Variants in NTRK3 observed in about 807,000 individuals in gnomAD.
The protein encoded by NTRK3 is neurotrophic receptor tyrosine kinase 3.
In NTRK3, 24 loss-of-function variants were observed where a neutral mutation model predicts 91.7. The observed-to-expected ratio is 0.26, with a 90% CI of 0.19 to 0.37. NTRK3 has a LOEUF of 0.37. Among genes scored for constraint, NTRK3 ranks in the 10% least tolerant of loss-of-function variants. NTRK3 has a pLI of 1.00. For synonymous variants in NTRK3, 483 were observed against 404.0 expected (o/e 1.20, Z -2.34); for missense variants, 880 against 1,068.9 (o/e 0.82, Z 2.46).
intron 14 of NTRK3, among the ~76,000 whole-genome samples, chr15:87,994,101 T>C (rs886697944): frequency 2.0e-5 from 3 of 151,304 alleles, no homozygotes; most frequent in East Asian, 3.9e-4. Flanking sequence ...AGTGAGGGAG[T>C]GGTCATAAGA....
At chr15:88,210,307 G>A (rs543040349) in intron 3 of NTRK3, among the ~76,000 whole-genome samples, 1 of 152,286 alleles carries the variant, frequency 6.6e-6, no homozygotes, top group Non-Finnish European at 1.5e-5. Flanking sequence ...AATTCGAAGA[G>A]CAGCCCGATT....
intron 14 of NTRK3, among the ~76,000 whole-genome samples, chr15:87,980,492 T>G (rs1165873990): frequency 6.6e-6 from 1 of 152,188 alleles, no homozygotes; most frequent in Non-Finnish European, 1.5e-5. Context: ...TGTTTCCATG[T>G]GTGTTTGCAT....
At chr15:88,041,007 A>T (rs1317620301) in intron 13 of NTRK3, among the ~76,000 whole-genome samples, 1 of 152,206 alleles carries the variant, frequency 6.6e-6, no homozygotes, top group Non-Finnish European at 1.5e-5. Flanking sequence ...TTGACTCCAA[A>T]GTTCTGCGTC....
In NTRK3 at chr15:88,160,127, G is replaced by A. The variant is rs745438106; in HGVS notation, c.396-12724C>T. Among the ~76,000 whole-genome samples, 31 of 152,260 alleles carry A rather than the reference G, an allele frequency of 2.0e-4. No homozygotes were observed. In the East Asian group the frequency reaches 3.9e-3, roughly 19 times the overall value. On this transcript the variant is annotated intron_variant, in intron 5 of 18. Transcript: ENST00000394480. ...GAGAGCAGAGGAGAAAACAGGACTC[G>A]GACGAGAGCATCCAAACCAATGAGT...
At chr15:88,173,403 G>A (rs1263817193) in intron 5 of NTRK3, among the ~76,000 whole-genome samples, 1 of 152,120 alleles carries the variant, frequency 6.6e-6, no homozygotes, top group Non-Finnish European at 1.5e-5. Context: ...TCCAGGGCTG[G>A]TGTAGCCCCA....
chr15:87,904,212 G>A (rs548278461), intron 17 of NTRK3, among the ~76,000 whole-genome samples: 17 of 151,036 alleles, frequency 1.1e-4, no homozygotes, highest in Non-Finnish European at 1.5e-4. Context: ...GTGCAGTGGC[G>A]CAATCTCAGC....
intron 13 of NTRK3, among the ~76,000 whole-genome samples, chr15:88,046,486 T>C (rs963199622): frequency 6.6e-6 from 1 of 152,088 alleles, no homozygotes; most frequent in African/African-American, 2.4e-5. Flanking sequence ...GCTCAGGACA[T>C]GAGGCAGCAC....
intron 8 of NTRK3, 149 bp downstream of exon 8, chr15:88,136,318 G>T: frequency 9.1e-7 from 1 of 1,100,986 alleles, no homozygotes; most frequent in Non-Finnish European, 1.3e-6. Context: ...TGTATAGAGC[G>T]AAATGGCTAG....
rs1555571958 is a variant in NTRK3, at chr15:88,243,567, C to CACACACACACAT, written c.248+12338_248+12339insATGTGTGTGTGT. ...ACACACACACACACACACACACACACACACACACACTGAGCAAAAGGTATT... is the reference window on the plus strand; with the variant it reads ...ACACACACACACACACACACACACACACACACACACATACACACACACTGAGCAAAAGGTATT... On this transcript the variant is annotated intron_variant, in intron 3 of 18. Coordinates refer to ENST00000394480, the Ensembl canonical transcript of NTRK3. This position sits in a 1 kb window ranked among gnomAD's most constrained non-coding sequence, Gnocchi z 4.8. 2.1e-4 allele frequency among the ~76,000 whole-genome samples: 31 copies of CACACACACACAT among 150,550 alleles called. No individual in the cohort carries two copies. The highest frequency in any genetic ancestry group is 7.1e-4 in the African/African-American group (29 of 40,732).
chr15:88,044,353 C>T (rs938748715), intron 13 of NTRK3, among the ~76,000 whole-genome samples: 91 of 150,498 alleles, frequency 6.0e-4, no homozygotes, highest in African/African-American at 2.2e-3. Context: ...CTCTGCCTCC[C>T]GGGTTCACTC....
chr15:88,132,672 G>A (rs978027743), intron 10 of NTRK3, among the ~76,000 whole-genome samples: 4 of 152,168 alleles, frequency 2.6e-5, no homozygotes, highest in Non-Finnish European at 5.9e-5. Context: ...TTTGCATCTA[G>A]GCTTAGCTGG....
intron 14 of NTRK3, chr15:87,977,863 C>T (rs1412370383): frequency 4.3e-6 from 1 of 232,670 alleles, no homozygotes; most frequent in Non-Finnish European, 8.5e-6. Flanking sequence ...GAAGTAAAAC[C>T]CTTAAGTGGG....
chr15:87,924,680 C>A (rs1369808402), intron 17 of NTRK3, among the ~76,000 whole-genome samples: 1 of 152,202 alleles, frequency 6.6e-6, no homozygotes, highest in African/African-American at 2.4e-5. Context: ...AGGCTCACCT[C>A]CCCTAAGTGA....
chr15:88,211,206 T>A (rs1006206401), intron 3 of NTRK3, among the ~76,000 whole-genome samples: 1 of 152,232 alleles, frequency 6.6e-6, no homozygotes, highest in Non-Finnish European at 1.5e-5. Context: ...CCCCAGTCCC[T>A]GGCAACTATG....
intron 14 of NTRK3, among the ~76,000 whole-genome samples, chr15:88,013,149 C>T (rs899930735): frequency 1.6e-5 from 2 of 125,478 alleles, no homozygotes; most frequent in Non-Finnish European, 3.4e-5. Context: ...AGACCCACTA[C>T]CAGCAGCTGA....
intron 13 of NTRK3, among the ~76,000 whole-genome samples, chr15:88,071,878 G>C (rs1052292125): frequency 5.9e-5 from 9 of 152,114 alleles, no homozygotes; most frequent in Admixed American, 4.6e-4. Flanking sequence ...TCCAGCTTTT[G>C]AGTCCTCTTT....
At chr15:88,160,495 C>A (rs977339934) in intron 5 of NTRK3, among the ~76,000 whole-genome samples, 1 of 152,190 alleles carries the variant, frequency 6.6e-6, no homozygotes, top group Non-Finnish European at 1.5e-5. Context: ...AGAGTGGGGG[C>A]TTTGCTGACA....
In NTRK3 at chr15:88,112,114, G is replaced by A. The variant is rs58039836; in HGVS notation, c.1396+14157C>T. On this transcript the variant is annotated intron_variant, in intron 13 of 18. Coordinates refer to ENST00000394480, the Ensembl canonical transcript of NTRK3. The stretch of plus-strand genomic sequence containing the variant: ...GTAGAGACAGGGTTTCACAATGTTA[G>A]CCAGGATGGTCTTGATCTCCTGACC... Among the ~76,000 whole-genome samples, 879 of 152,156 alleles carry A rather than the reference G, an allele frequency of 5.8e-3. 10 individuals carry two copies. The highest frequency in any genetic ancestry group is 0.02 in the African/African-American group (842 of 41,496).
At chr15:88,044,479 T>G (rs891964297) in intron 13 of NTRK3, among the ~76,000 whole-genome samples, 1 of 151,820 alleles carries the variant, frequency 6.6e-6, no homozygotes, top group Non-Finnish European at 1.5e-5. Context: ...GCCAGGATGG[T>G]CTTGATCTCC....
Sources: allele counts gnomAD v4.1 joint callset (sites outside exome capture counted in the v4.1 genomes callset), GRCh38; gene constraint gnomAD v4.1.1; non-coding constraint Gnocchi (gnomAD v3.1); transcripts MANE v1.5; gene names NCBI Gene and HGNC (gene_info 2026-07-23, HGNC 2026-07-21).